Variants in ITGBL1 observed in about 807,000 individuals in gnomAD.
The protein encoded by ITGBL1 is integrin beta-like protein 1.
Under a neutral mutation model 68.5 loss-of-function variants are expected in ITGBL1, and 51 were observed. The observed-to-expected ratio is 0.74, with a 90% CI of 0.59 to 0.94. The LOEUF (loss-of-function observed/expected upper bound fraction) is 0.94. ITGBL1 is among the 40% of genes least tolerant of loss of function. The pLI, the probability that ITGBL1 is intolerant of heterozygous loss-of-function variation, is 0.00. For synonymous variants in ITGBL1, 209 were observed against 227.3 expected (o/e 0.92, Z 0.72); for missense variants, 649 against 647.4 (o/e 1.00, Z -0.03).
At chr13:101,602,962 A>C (rs1223754108) in intron 7 of ITGBL1, among the ~76,000 whole-genome samples, 1 of 151,986 alleles carries the variant, frequency 6.6e-6, no homozygotes, top group African/African-American at 2.4e-5. Context: ...ACCGTTATTT[A>C]ACCCTTCATC....
intron 2 of ITGBL1, among the ~76,000 whole-genome samples, chr13:101,549,065 TC>T (rs1649616409): frequency 6.6e-6 from 1 of 151,876 alleles, no homozygotes. Flanking sequence ...TCAGCAGATA[TC>T]AACATAAGAT....
chr13:101,588,382 G>A (rs946114877), intron 6 of ITGBL1, among the ~76,000 whole-genome samples: 10 of 151,446 alleles, frequency 6.6e-5, no homozygotes, highest in African/African-American at 2.2e-4. Context: ...TCTGATGTTC[G>A]ATATCAAGAC....
chr13:101,641,238 ATGTC>A (rs1430011083), intron 7 of ITGBL1, among the ~76,000 whole-genome samples: 1 of 152,190 alleles, frequency 6.6e-6, no homozygotes, highest in African/African-American at 2.4e-5. Flanking sequence ...TGATGAGTCA[ATGTC>A]TGAGTGCAAC....
chr13:101,686,269 T>C (rs2033752646), intron 7 of ITGBL1, among the ~76,000 whole-genome samples: 7 of 152,150 alleles, frequency 4.6e-5, no homozygotes, highest in Admixed American at 3.9e-4. Flanking sequence ...TCCTCCTCCT[T>C]ATTCTCCTGC....
intron 2 of ITGBL1, among the ~76,000 whole-genome samples, chr13:101,509,502 A>G (rs2049080906): frequency 6.6e-6 from 1 of 152,152 alleles, no homozygotes; most frequent in African/African-American, 2.4e-5. Flanking sequence ...TATTCTACCC[A>G]GGTTCTAAAT....
In ITGBL1 at chr13:101,618,995, G is replaced by A. The variant is rs372837601; in HGVS notation, c.1015+20696G>A. Among the ~76,000 whole-genome samples the A allele has an allele frequency of 5.5e-4, 83 of 152,172 alleles. 1 individual carries two copies. The South Asian group carries it at 0.016, about 30-fold the overall frequency. Reference sequence around the variant, plus strand: ...GGGGGCAGGTGGGAATTGGGGCAACGAGATGTGAGACTGTAAGACTTTAAG... The same window carrying A: ...GGGGGCAGGTGGGAATTGGGGCAACAAGATGTGAGACTGTAAGACTTTAAG... On this transcript the variant is annotated intron_variant, in intron 7 of 10. Transcript: ENST00000376180.
At chr13:101,584,700 A>G (rs1390182567) in intron 6 of ITGBL1, among the ~76,000 whole-genome samples, 9 of 152,012 alleles carry the variant, frequency 5.9e-5, no homozygotes, top group Non-Finnish European at 1.5e-5. Flanking sequence ...TCTATTATTA[A>G]TTATACATGC....
chr13:101,515,257 A>C (rs915829042), intron 2 of ITGBL1, among the ~76,000 whole-genome samples: 4 of 152,104 alleles, frequency 2.6e-5, no homozygotes, highest in African/African-American at 9.7e-5. Flanking sequence ...GTAAAATACA[A>C]CTGATTCTAG....
At chr13:101,574,936 T>G (rs1012133824) in intron 3 of ITGBL1, among the ~76,000 whole-genome samples, 3 of 152,158 alleles carry the variant, frequency 2.0e-5, no homozygotes, top group Non-Finnish European at 4.4e-5. Flanking sequence ...GGGGCACATA[T>G]GATTTTTATT....
At chr13:101,472,916 T>C (rs1282671430) in intron 2 of ITGBL1, among the ~76,000 whole-genome samples, 1 of 152,134 alleles carries the variant, frequency 6.6e-6, no homozygotes, top group African/African-American at 2.4e-5. Flanking sequence ...TTCTCATATA[T>C]AGAGTCAAGG....
intron 7 of ITGBL1, among the ~76,000 whole-genome samples, chr13:101,603,746 A>G (rs1339772925): frequency 6.6e-6 from 1 of 151,924 alleles, no homozygotes; most frequent in Non-Finnish European, 1.5e-5. Context: ...GGACAATTCC[A>G]TTTCAAATTA....
intron 9 of ITGBL1, chr13:101,713,770 A>G (rs2034588159): frequency 6.6e-6 from 1 of 152,164 alleles, no homozygotes; most frequent in Admixed American, 6.6e-5. Flanking sequence ...AGGTAGGAGA[A>G]ATGGGTGAAG....
At chr13:101,720,669 C>T (rs999000001), downstream of ITGBL1, 1 of 151,866 alleles carries the variant, frequency 6.6e-6, no homozygotes, top group Non-Finnish European at 1.5e-5. Context: ...TAGTTGGCCA[C>T]ATATTATGGG....
chr13:101,693,584 G>A (rs1175953632), intron 8 of ITGBL1, among the ~76,000 whole-genome samples: 1 of 151,630 alleles, frequency 6.6e-6, no homozygotes, highest in African/African-American at 2.4e-5. Context: ...TGTCTTAATG[G>A]AAGGCTGAGG....
intron 9 of ITGBL1, chr13:101,713,128 A>C (rs2034552680): frequency 6.6e-6 from 1 of 152,208 alleles, no homozygotes; most frequent in South Asian, 2.1e-4. Context: ...AAGAAATGGC[A>C]AACATTTAAT....
chr13:101,692,605 T>C lies in ITGBL1; in HGVS notation c.1036T>C (p.Cys346Arg). The change falls in exon 8 of 11, where the codon TGC (cysteine) becomes CGC (arginine). Residue 346 changes from cysteine (C) to arginine (R), a missense_variant. By Grantham distance (180) the Cys-to-Arg change is radical. Transcript: ENST00000376180. ...TCCAGGTAAATGTGAATGTGGCAAATGCACCTGCTATCCTCCAGGAGATCG... is the reference window on the plus strand; with the variant it reads ...TCCAGGTAAATGTGAATGTGGCAAACGCACCTGCTATCCTCCAGGAGATCG... ...SGRGKCECGK[C>R]TCYPPGDRRV... The C allele has an allele frequency of 1.2e-6, 2 of 1,613,424 alleles. No homozygotes were observed. Among genetic ancestry groups the C allele is most frequent in the Non-Finnish European group, 1.7e-6 (2 of 1,179,414 alleles).
intron 7 of ITGBL1, among the ~76,000 whole-genome samples, chr13:101,630,016 G>T (rs1042027715): frequency 2.0e-5 from 3 of 152,064 alleles, no homozygotes; most frequent in Non-Finnish European, 4.4e-5. Flanking sequence ...TAGAGACGGG[G>T]TTTCATCATG....
chr13:101,486,776 T>C (rs1248484999), intron 2 of ITGBL1, among the ~76,000 whole-genome samples: 2 of 152,234 alleles, frequency 1.3e-5, no homozygotes, highest in African/African-American at 4.8e-5. Flanking sequence ...TCTGTGGCTA[T>C]ATTACTATTC....
In ITGBL1 at chr13:101,499,093, G is replaced by A. The variant is rs571414415; in HGVS notation, c.316+44993G>A. On this transcript the variant is annotated intron_variant, in intron 2 of 10. Transcript: ENST00000376180. ...CAACTGAATGTGACATTTGGGTGGG[G>A]ACACAGCCAAACCATATCAGTTTCT... Among the ~76,000 whole-genome samples the A allele has an allele frequency of 3.3e-3, 506 of 152,240 alleles. 3 individuals are homozygous for A. Among genetic ancestry groups the A allele is most frequent in the Middle Eastern group, 0.024 (7 of 294 alleles).
Sources: gnomAD v4.1 joint callset for allele counts (sites outside exome capture counted in the v4.1 genomes callset) on GRCh38, gnomAD v4.1.1 for gene constraint, MANE v1.5 for transcripts, NCBI Gene and HGNC (gene_info 2026-07-23, HGNC 2026-07-21) for gene names.